Variants in ERICH6B observed in about 807,000 individuals in gnomAD.
ERICH6B encodes the protein glutamate rich 6B.
Under a neutral mutation model 80.0 loss-of-function variants are expected in ERICH6B, and 69 were observed. The observed-to-expected ratio is 0.86, with a 90% CI of 0.71 to 1.05. The LOEUF is 1.05. ERICH6B is among the 50% of genes least tolerant of loss of function. ERICH6B has a pLI of 0.00. For missense variants in ERICH6B, 754 were observed against 796.1 expected (o/e 0.95, Z 0.64); for synonymous variants, 283 against 291.9 (o/e 0.97, Z 0.31).
chr13:45,604,046 G>T (rs1252762689), intron 2 of ERICH6B, among the ~76,000 whole-genome samples: 3 of 152,160 alleles, frequency 2.0e-5, no homozygotes, highest in Admixed American at 1.3e-4. Context: ...CACTGTTGTG[G>T]GCCAAGAGCT....
intron 12 of ERICH6B, 92 bp from the exon 13 acceptor site, chr13:45,550,137 A>T: frequency 6.5e-7 from 1 of 1,535,192 alleles, no homozygotes; most frequent in Non-Finnish European, 8.8e-7. Context: ...GTCAAACCCC[A>T]CACCTCAGTC....
At chr13:45,605,046 G>A (rs1303025240) in intron 2 of ERICH6B, among the ~76,000 whole-genome samples, 1 of 152,108 alleles carries the variant, frequency 6.6e-6, no homozygotes, top group Non-Finnish European at 1.5e-5. Context: ...CGTGCTCCCT[G>A]AGACCCGGCC....
intron 11 of ERICH6B, among the ~76,000 whole-genome samples, chr13:45,561,160 C>G (rs1874656468): frequency 6.6e-6 from 1 of 152,158 alleles, no homozygotes; most frequent in Non-Finnish European, 1.5e-5. Flanking sequence ...AGAGACCCTG[C>G]AGGCAGAAGA....
At chr13:45,602,229 C>T (rs61952996) in intron 2 of ERICH6B, among the ~76,000 whole-genome samples, 2 of 152,128 alleles carry the variant, frequency 1.3e-5, no homozygotes, top group Non-Finnish European at 2.9e-5. Context: ...CTCCCTTTTC[C>T]TCAGGAGGCT....
chr13:45,587,354 C>G, intron 4 of ERICH6B, 122 bp from the exon 5 acceptor site: 1 of 812,510 alleles, frequency 1.2e-6, no homozygotes, highest in Admixed American at 2.7e-5. Context: ...ATGGACATCT[C>G]AAGGTTTGAA....
intron 2 of ERICH6B, among the ~76,000 whole-genome samples, chr13:45,605,323 C>A (rs970207588): frequency 1.4e-4 from 22 of 152,246 alleles, no homozygotes; most frequent in Non-Finnish European, 3.2e-4. Flanking sequence ...GCTTTTTCTT[C>A]TCCTTTTATC....
intron 14 of ERICH6B, 96 bp from the exon 15 acceptor site, chr13:45,541,776 T>TC: frequency 9.3e-7 from 1 of 1,077,418 alleles, no homozygotes; most frequent in East Asian, 2.6e-5. Flanking sequence ...GACCAAGCGT[T>TC]CCCTGAGCCT....
intron 5 of ERICH6B, among the ~76,000 whole-genome samples, chr13:45,581,517 C>T (rs1348012877): frequency 6.6e-6 from 1 of 152,206 alleles, no homozygotes; most frequent in Non-Finnish European, 1.5e-5. Flanking sequence ...GCTGGGACTA[C>T]AGGCGTGTGC....
intron 7 of ERICH6B, among the ~76,000 whole-genome samples, chr13:45,579,099 C>A (rs1218091544): frequency 6.6e-6 from 1 of 152,188 alleles, no homozygotes; most frequent in East Asian, 1.9e-4. Flanking sequence ...TGCTTTTAAA[C>A]AAGATTACCA....
intron 13 of ERICH6B, among the ~76,000 whole-genome samples, chr13:45,548,771 A>G (rs1313183151): frequency 1.3e-5 from 2 of 152,090 alleles, no homozygotes; most frequent in African/African-American, 2.4e-5. Context: ...TGTACCCAAG[A>G]CCTTGGTCCA....
intron 1 of ERICH6B, among the ~76,000 whole-genome samples, chr13:45,608,794 C>A (rs369219854): frequency 1.9e-3 from 287 of 152,278 alleles, no homozygotes; most frequent in African/African-American, 6.7e-3. Context: ...TGTAACGATT[C>A]AATACATGAA....
At chr13:45,610,231 A>G (rs1419077642) in intron 1 of ERICH6B, among the ~76,000 whole-genome samples, 1 of 152,074 alleles carries the variant, frequency 6.6e-6, no homozygotes, top group Non-Finnish European at 1.5e-5. Flanking sequence ...CATGTCTGAC[A>G]CCTATGGCTC....
intron 7 of ERICH6B, among the ~76,000 whole-genome samples, chr13:45,576,466 A>G (rs1325086225): frequency 6.6e-6 from 1 of 152,234 alleles, no homozygotes; most frequent in African/African-American, 2.4e-5. Context: ...TTTAAAAAAA[A>G]CATTGAAGAA....
At chr13:45,547,646 G>T (rs1271959405) in intron 13 of ERICH6B, among the ~76,000 whole-genome samples, 1 of 152,192 alleles carries the variant, frequency 6.6e-6, no homozygotes, top group Non-Finnish European at 1.5e-5. Context: ...TCCTGTACAT[G>T]CCCTGTCATA....
At chr13:45,567,399 A>C (rs1391842519) in intron 9 of ERICH6B, among the ~76,000 whole-genome samples, 1 of 152,180 alleles carries the variant, frequency 6.6e-6, no homozygotes, top group African/African-American at 2.4e-5. Flanking sequence ...GTTCCCACCC[A>C]AATCTCATCT....
intron 13 of ERICH6B, among the ~76,000 whole-genome samples, chr13:45,545,262 T>C (rs1050529361): frequency 6.6e-6 from 1 of 152,164 alleles, no homozygotes; most frequent in Non-Finnish European, 1.5e-5. Context: ...CTCTGCCCTC[T>C]GCCTGCAAAG....
At chr13:45,554,279 C>G (rs916278949) in intron 11 of ERICH6B, among the ~76,000 whole-genome samples, 1 of 152,214 alleles carries the variant, frequency 6.6e-6, no homozygotes, top group Non-Finnish European at 1.5e-5. Flanking sequence ...CATCCATGTT[C>G]TCACAAATGA....
At chr13:45,579,834 G>T (rs1374245858) in intron 7 of ERICH6B, 99 bp downstream of exon 7, 3 of 1,192,702 alleles carry the variant, frequency 2.5e-6, no homozygotes, top group Admixed American at 2.0e-5. Flanking sequence ...CCTGGGTCAT[G>T]CTGGATCAGA....
Position 45,615,693 on chromosome 13 carries a change from G to A in ERICH6B, c.-119C>T, listed in dbSNP as rs531224474. The A allele has an allele frequency of 3.3e-5, 5 of 152,326 alleles. No homozygotes were observed. The highest frequency in any genetic ancestry group is 7.3e-5 in the Non-Finnish European group (5 of 68,132). The allele number at this position is 152,326 out of a possible 1,614,324, so 9.4% of individuals were successfully genotyped here. On this transcript the variant is annotated 5_prime_UTR_variant, in exon 1 of 15. Coordinates refer to ENST00000298738, the MANE Select transcript of ERICH6B (RefSeq NM_182542.3). The stretch of plus-strand genomic sequence containing the variant: ...ACGTGCGCAGCCCTTACCCAAGCCA[G>A]GCTCCCGCGCGTGCATCCACCGCGA...
Sources: allele counts gnomAD v4.1 joint callset (sites outside exome capture counted in the v4.1 genomes callset), GRCh38; gene constraint gnomAD v4.1.1; transcripts MANE v1.5; gene names NCBI Gene and HGNC (gene_info 2026-07-23, HGNC 2026-07-21).